The following ADAMTS12 variants were observed in gnomAD, a reference collection of about 807,000 sequenced individuals.
ADAMTS12 encodes the protein ADAM metallopeptidase with thrombospondin type 1 motif 12.
Under a neutral mutation model 167.8 loss-of-function variants are expected in ADAMTS12, and 118 were observed. The observed-to-expected ratio is 0.70, with a 90% confidence interval of 0.61 to 0.82. The LOEUF (loss-of-function observed/expected upper bound fraction) is 0.82. Ranked by LOEUF, ADAMTS12 falls within the 40% of genes least tolerant of loss-of-function variation. ADAMTS12 has a pLI of 0.00. For synonymous variants in ADAMTS12, 704 were observed against 716.9 expected, an observed-to-expected ratio of 0.98 and a Z score of 0.29; for missense variants, 1,916 against 1,998.8, an observed-to-expected ratio of 0.96 and a Z score of 0.79.
chr5:33,616,501 C>A (rs13355994), intron 14 of ADAMTS12, among the ~76,000 whole-genome samples: 3 of 152,118 alleles, frequency 2.0e-5, no homozygotes, highest in South Asian at 2.1e-4. Context: ...TCCTCACCCC[C>A]CTTGCCAGCA....
chr5:33,576,792 A>G lies in ADAMTS12; in HGVS notation c.3234T>C (p.Ser1078=). 1 of 1,614,194 alleles carries G rather than the reference A, an allele frequency of 6.2e-7. No individual in the cohort carries two copies. The highest frequency in any genetic ancestry group is 2.2e-5 in the East Asian group (1 of 44,878). Residue 1078 remains serine, a synonymous_variant, in exon 19 of 24, where the codon TCT becomes TCC. Transcript: ENST00000504830. The part of the protein sequence containing the change: ...QDSSTQPELS[S]RYLISTGSTS... The stretch of plus-strand genomic sequence containing the variant: ...TGCTTCCAGTGGAAATGAGATAGCG[A>G]GAGCTCAGCTCAGGTTGGGTTGAGC...
chr5:33,744,105 A>G (rs1230588336), intron 3 of ADAMTS12, among the ~76,000 whole-genome samples: 1 of 152,220 alleles, frequency 6.6e-6, no homozygotes, highest in Non-Finnish European at 1.5e-5. Context: ...AGGAACTCTG[A>G]CAGATCTTGG....
intron 3 of ADAMTS12, among the ~76,000 whole-genome samples, chr5:33,725,499 T>G (rs1743948072): frequency 6.6e-6 from 1 of 152,224 alleles, no homozygotes; most frequent in African/African-American, 2.4e-5. Flanking sequence ...AGAAACTCTC[T>G]GAAGTCTTTA....
At chr5:33,654,874 T>TTTTTTGTGTG (rs148735809) in intron 7 of ADAMTS12, among the ~76,000 whole-genome samples, 1 of 141,668 alleles carries the variant, frequency 7.1e-6, no homozygotes, top group Middle Eastern at 3.6e-3. Flanking sequence ...GTGGGTGATT[T>TTTTTTGTGTG]TGTGTGTGTG....
chr5:33,624,532 A>G (rs904005032), intron 13 of ADAMTS12, among the ~76,000 whole-genome samples, 181 bp from the exon 14 acceptor site: 5 of 152,212 alleles, frequency 3.3e-5, no homozygotes, highest in African/African-American at 1.2e-4. Flanking sequence ...CCAATGGTAA[A>G]GGCACTACTT....
At chr5:33,643,612 CATT>C (rs1334216783) in intron 9 of ADAMTS12, 142 bp from the exon 10 acceptor site, 5 of 722,852 alleles carry the variant, frequency 6.9e-6, no homozygotes, top group Non-Finnish European at 7.0e-6. Context: ...AGAAAGCAAT[CATT>C]AGAGTTTTCA....
intron 2 of ADAMTS12, among the ~76,000 whole-genome samples, chr5:33,870,811 C>T (rs1750012466): frequency 6.6e-6 from 1 of 152,142 alleles, no homozygotes; most frequent in Non-Finnish European, 1.5e-5. Context: ...GTAGTGCCTA[C>T]CCCTTCGCTT....
intron 3 of ADAMTS12, among the ~76,000 whole-genome samples, chr5:33,730,421 C>T (rs567140467): frequency 1.3e-5 from 2 of 151,840 alleles, no homozygotes; most frequent in African/African-American, 4.8e-5. Flanking sequence ...GCCACAAAAG[C>T]TGTCCTTTTT....
intron 3 of ADAMTS12, among the ~76,000 whole-genome samples, chr5:33,724,011 T>C (rs908899095): frequency 2.0e-5 from 3 of 152,340 alleles, no homozygotes. Context: ...CCTAGCATCG[T>C]TGTCCTGAAT....
intron 16 of ADAMTS12, among the ~76,000 whole-genome samples, chr5:33,607,166 ATC>A (rs1386288474): frequency 2.0e-5 from 3 of 152,154 alleles, no homozygotes; most frequent in Non-Finnish European, 4.4e-5. Flanking sequence ...AGGCATACAT[ATC>A]TCTTATTGTC....
intron 13 of ADAMTS12, among the ~76,000 whole-genome samples, chr5:33,629,527 T>C (rs1001626891): frequency 6.6e-6 from 1 of 152,150 alleles, no homozygotes; most frequent in South Asian, 2.1e-4. Context: ...CTGATAAATA[T>C]AGCCAGGGAA....
At chr5:33,739,931 C>T (rs1167484716) in intron 3 of ADAMTS12, among the ~76,000 whole-genome samples, 1 of 152,226 alleles carries the variant, frequency 6.6e-6, no homozygotes, top group East Asian at 1.9e-4. Flanking sequence ...TGTACAAGCC[C>T]ACTTGATGGG....
chr5:33,667,932 C>T (rs888984851), intron 5 of ADAMTS12, among the ~76,000 whole-genome samples: 2 of 152,180 alleles, frequency 1.3e-5, no homozygotes, highest in African/African-American at 4.8e-5. Context: ...ATTAACTTCA[C>T]CATACTACTG....
chr5:33,670,059 A>G (rs1450193938), intron 5 of ADAMTS12, among the ~76,000 whole-genome samples: 1 of 152,144 alleles, frequency 6.6e-6, no homozygotes, highest in African/African-American at 2.4e-5. Flanking sequence ...TATGAAGAGG[A>G]TAAAAAGAGC....
At chr5:33,569,047 C>A (rs1746166924) in intron 19 of ADAMTS12, among the ~76,000 whole-genome samples, 1 of 152,246 alleles carries the variant, frequency 6.6e-6, no homozygotes, top group South Asian at 2.1e-4. Context: ...GGGGGAGGGG[C>A]ACCTGCCATT....
intron 2 of ADAMTS12, among the ~76,000 whole-genome samples, chr5:33,791,961 T>G (rs1561274438): frequency 6.6e-6 from 1 of 151,810 alleles, no homozygotes; most frequent in African/African-American, 2.4e-5. Context: ...ATCTTTACAT[T>G]TATACCTAGT....
intron 2 of ADAMTS12, among the ~76,000 whole-genome samples, chr5:33,803,578 T>TG (rs1747092977): frequency 1.3e-5 from 2 of 152,182 alleles, no homozygotes; most frequent in South Asian, 4.2e-4. Flanking sequence ...GGAGGTCAGA[T>TG]GAAGAGTGAG....
At chr5:33,672,159 TCA>T (rs1741728307) in intron 5 of ADAMTS12, among the ~76,000 whole-genome samples, 1 of 116,872 alleles carries the variant, frequency 8.6e-6, no homozygotes, top group Non-Finnish European at 1.8e-5. Context: ...ATCCACATAC[TCA>T]CATACACACA....
At chr5:33,587,667 G>T (rs546770230) in intron 18 of ADAMTS12, among the ~76,000 whole-genome samples, 2 of 152,186 alleles carry the variant, frequency 1.3e-5, no homozygotes, top group South Asian at 4.2e-4. Flanking sequence ...GCTTGGGCTG[G>T]TCTCAAACTC....
Sources: gnomAD v4.1 joint callset for allele counts (sites outside exome capture counted in the v4.1 genomes callset) on GRCh38, gnomAD v4.1.1 for gene constraint, MANE v1.5 for transcripts, NCBI Gene and HGNC (gene_info 2026-07-23, HGNC 2026-07-21) for gene names.